The following SMYD3 variants were observed in gnomAD, a reference collection of about 807,000 sequenced individuals.
SMYD3 encodes histone-lysine N-methyltransferase SMYD3.
Under a neutral mutation model 57.7 loss-of-function variants are expected in SMYD3, and 36 were observed. The ratio of observed to expected loss-of-function variants is 0.62; its 90% CI spans 0.48 to 0.82. SMYD3 has a LOEUF of 0.82. Ranked by LOEUF, SMYD3 falls within the 40% of genes least tolerant of loss-of-function variation. The pLI, the probability that SMYD3 is intolerant of heterozygous loss-of-function variation, is 0.00. For missense variants in SMYD3, 515 were observed against 538.8 expected, an observed-to-expected ratio of 0.96 and a Z score of 0.44; for synonymous variants, 211 against 195.0, an observed-to-expected ratio of 1.08 and a Z score of -0.68.
chr1:246,499,260 TAC>T (rs2103075991), intron 1 of SMYD3, among the ~76,000 whole-genome samples: 1 of 151,586 alleles, frequency 6.6e-6, no homozygotes, highest in Admixed American at 6.6e-5. Context: ...GCCGAGATTG[TAC>T]CACTGCACTC....
chr1:245,833,073 A>AAAAAAAAAAAAAAAG, intron 10 of SMYD3, among the ~76,000 whole-genome samples: 1 of 128,652 alleles, frequency 7.8e-6, no homozygotes, highest in Non-Finnish European at 1.6e-5. Flanking sequence ...AAAAAAAAAA[A>AAAAAAAAAAAAAAAG]AACCTGCTTT....
At chr1:246,245,715 C>T (rs544303666) in intron 5 of SMYD3, among the ~76,000 whole-genome samples, 27 of 152,262 alleles carry the variant, frequency 1.8e-4, no homozygotes, top group African/African-American at 5.8e-4. Context: ...GACATTTCTG[C>T]ATCACTTCCT....
At chr1:245,838,336 T>C (rs2050202935) in intron 10 of SMYD3, among the ~76,000 whole-genome samples, 1 of 152,310 alleles carries the variant, frequency 6.6e-6, no homozygotes, top group Admixed American at 6.5e-5. Context: ...CTGCACCGTT[T>C]CCAGTGGCTG....
chr1:246,153,859 G>GA (rs983661626), intron 5 of SMYD3, among the ~76,000 whole-genome samples: 6 of 151,664 alleles, frequency 4.0e-5, no homozygotes, highest in South Asian at 2.1e-4. Context: ...CAGGTTGCTA[G>GA]AAAAAAAACC....
intron 8 of SMYD3, among the ~76,000 whole-genome samples, chr1:245,900,964 G>A (rs1045443695): frequency 2.0e-5 from 3 of 152,222 alleles, no homozygotes; most frequent in African/African-American, 7.2e-5. Context: ...TGAATCTTCA[G>A]GAGCTATTAG....
intron 9 of SMYD3, among the ~76,000 whole-genome samples, 167 bp downstream of exon 9, chr1:245,863,632 C>T (rs1284879639): frequency 1.3e-5 from 2 of 152,160 alleles, no homozygotes; most frequent in South Asian, 4.2e-4. Context: ...TGTCATTACT[C>T]AAACTGCTGG....
At chr1:246,395,515 T>C (rs1429694668) in intron 1 of SMYD3, among the ~76,000 whole-genome samples, 11 of 152,176 alleles carry the variant, frequency 7.2e-5, no homozygotes, top group Admixed American at 7.2e-4. Flanking sequence ...CCACTGGCTG[T>C]TACGTGCCTC....
intron 5 of SMYD3, among the ~76,000 whole-genome samples, chr1:246,133,404 C>T (rs998121043): frequency 1.2e-4 from 18 of 152,078 alleles, no homozygotes; most frequent in African/African-American, 4.3e-4. Context: ...AATCTCCACA[C>T]TTTACTCAAT....
chr1:245,773,374 G>A (rs556011793), intron 10 of SMYD3, among the ~76,000 whole-genome samples: 2 of 152,322 alleles, frequency 1.3e-5, no homozygotes, highest in South Asian at 4.1e-4. Flanking sequence ...AAAACACACT[G>A]AGAAACTCTT....
At position 245,817,553 on chromosome 1, in the gene SMYD3, C is replaced by T. The variant is rs1422711744; in HGVS notation, c.1076+40943G>A. Among the ~76,000 whole-genome samples, 87 of 151,810 alleles carry T rather than the reference C, an allele frequency of 5.7e-4. 1 individual carries two copies. The East Asian group carries it at 0.016, about 27-fold the overall frequency. On this transcript the variant is annotated intron_variant, in intron 10 of 11. Coordinates refer to ENST00000490107, the MANE Select transcript of SMYD3 (RefSeq NM_001167740.2). Reference sequence around the variant, plus strand: ...CGGAACAAAGCTGGACGGAGAATGACTTTGATGACCTGAGAGAAGAAGGCT... The same window carrying T: ...CGGAACAAAGCTGGACGGAGAATGATTTTGATGACCTGAGAGAAGAAGGCT...
At chr1:246,454,979 A>T (rs1008580414) in intron 1 of SMYD3, among the ~76,000 whole-genome samples, 9 of 152,190 alleles carry the variant, frequency 5.9e-5, no homozygotes, top group Non-Finnish European at 1.2e-4. Flanking sequence ...CCACTCTACA[A>T]TACAACAAAT....
chr1:246,159,681 G>GT (rs2062082588), intron 5 of SMYD3, among the ~76,000 whole-genome samples: 1 of 152,216 alleles, frequency 6.6e-6, no homozygotes, highest in African/African-American at 2.4e-5. Context: ...GAAGTCCCTT[G>GT]TGGGATAATA....
intron 1 of SMYD3, among the ~76,000 whole-genome samples, chr1:246,480,836 C>T (rs1182991501): frequency 1.3e-5 from 2 of 151,880 alleles, no homozygotes; most frequent in East Asian, 3.9e-4. Context: ...GCTCTGTCAC[C>T]CAGGCTGAAT....
chr1:246,232,236 T>C (rs1404625926), intron 5 of SMYD3, among the ~76,000 whole-genome samples: 2 of 152,188 alleles, frequency 1.3e-5, no homozygotes, highest in Non-Finnish European at 2.9e-5. Flanking sequence ...AAAATCACTA[T>C]TTAAAACGAA....
intron 1 of SMYD3, among the ~76,000 whole-genome samples, chr1:246,414,958 C>A (rs1385648072): frequency 6.6e-6 from 1 of 152,130 alleles, no homozygotes; most frequent in East Asian, 1.9e-4. Flanking sequence ...CTCAGGTGAT[C>A]CACCTGCCTC....
intron 10 of SMYD3, among the ~76,000 whole-genome samples, chr1:245,818,711 A>C (rs1298570568): frequency 1.3e-5 from 2 of 152,030 alleles, no homozygotes; most frequent in African/African-American, 2.4e-5. Context: ...TCTACCAAGC[A>C]AATGGAAAAC....
At chr1:246,095,176 G>A (rs888280992) in intron 5 of SMYD3, among the ~76,000 whole-genome samples, 2 of 152,100 alleles carry the variant, frequency 1.3e-5, no homozygotes, top group African/African-American at 2.4e-5. Flanking sequence ...ATGGGCTTGC[G>A]GGTGGCTAGC....
chr1:246,107,203 T>C (rs4654199), intron 5 of SMYD3, among the ~76,000 whole-genome samples: 67,901 of 149,334 alleles, frequency 0.45, 18,626 homozygotes, highest in Non-Finnish European at 0.62. Flanking sequence ...AGGAGAATGG[T>C]GTGAACCTGG....
chr1:245,915,482 T>C (rs2147775349), intron 8 of SMYD3, 48 bp downstream of exon 8: 2 of 1,197,994 alleles, frequency 1.7e-6, no homozygotes, highest in Non-Finnish European at 2.5e-6. Context: ...CTGAAGATCA[T>C]TGAGATTTTG....
Sources: gnomAD v4.1 joint callset for allele counts (sites outside exome capture counted in the v4.1 genomes callset) on GRCh38, gnomAD v4.1.1 for gene constraint, MANE v1.5 for transcripts, NCBI Gene and HGNC (gene_info 2026-07-23, HGNC 2026-07-21) for gene names.